Variants in CDC42BPA observed in about 807,000 individuals in gnomAD.
The protein encoded by CDC42BPA is CDC42 binding protein kinase alpha.
In CDC42BPA, 80 loss-of-function variants were observed where a neutral mutation model predicts 223.5. That is an observed-to-expected ratio of 0.36 (90% CI 0.30 to 0.43). CDC42BPA has a LOEUF of 0.43. Ranked by LOEUF, CDC42BPA falls within the 20% of genes least tolerant of loss-of-function variation. The probability of loss-of-function intolerance (pLI) is 1.00; values close to 1 mark genes in which losing one functional copy is unlikely to be tolerated. For synonymous variants in CDC42BPA, 694 were observed against 718.6 expected, an observed-to-expected ratio of 0.97 and a Z score of 0.55; for missense variants, 1,743 against 2,099.9, an observed-to-expected ratio of 0.83 and a Z score of 3.32.
At position 227,101,147 on chromosome 1, in the gene CDC42BPA, G is replaced by T. The variant is rs747048074; in HGVS notation, c.2094C>A (p.Ile698=). 8.8e-6 allele frequency: 14 copies of T among 1,582,562 alleles called. No individual in the cohort carries two copies. The highest frequency in any genetic ancestry group is 1.2e-5 in the Non-Finnish European group (14 of 1,152,534). The stretch of plus-strand genomic sequence containing the variant: ...TTTTAGATAATTCTTCTTCATAAAA[G>T]ATACTTTTCTTTTCCAAATCAGTCT... The part of the protein sequence containing the change: ...KLKTDLEKKS[I]FYEEELSKRE... The change falls in exon 15 of 37, where the codon ATC becomes ATA. Residue 698 remains isoleucine (I), a synonymous_variant. Coordinates refer to ENST00000366766, the MANE Select transcript of CDC42BPA (RefSeq NM_001394014.1).
chr1:227,051,234 C>T (rs1673468123), intron 22 of CDC42BPA, among the ~76,000 whole-genome samples: 1 of 152,158 alleles, frequency 6.6e-6, no homozygotes, highest in Admixed American at 6.6e-5. Context: ...AATCCTGATG[C>T]TGAATGAAGA....
chr1:227,191,605 TTCTCA>T (rs1331240289), intron 5 of CDC42BPA, among the ~76,000 whole-genome samples: 3 of 152,178 alleles, frequency 2.0e-5, no homozygotes, highest in Admixed American at 6.5e-5. Context: ...CAGTTATTCC[TTCTCA>T]AGAATTACAT....
rs751420345 is a variant in CDC42BPA, at chr1:227,028,909, G to A, written c.4180C>T (p.Leu1394Phe). The change falls in exon 30 of 37, where the codon CTC becomes TTC. Residue 1394 changes from leucine to phenylalanine, a missense_variant. Physicochemically the swap from Leu to Phe is conservative, Grantham distance 22. Coordinates refer to ENST00000366766, the MANE Select transcript of CDC42BPA (RefSeq NM_001394014.1). Reference sequence around the variant, plus strand: ...AATCCTGACTGGAATCCCACACAGAGTTGTTCACTGAAGATTGCCATCCAC... The same window carrying A: ...AATCCTGACTGGAATCCCACACAGAATTGTTCACTGAAGATTGCCATCCAC... ...VQWMAIFSEQ[L>F]CVGFQSGFLR... is the part of the protein sequence containing the mutation. 2 of 1,613,882 alleles carry A rather than the reference G, an allele frequency of 1.2e-6. No individual in the cohort carries two copies. Among genetic ancestry groups the A allele is most frequent in the African/African-American group, 1.3e-5 (1 of 74,938 alleles).
At chr1:227,288,423 G>A (rs183115577) in intron 1 of CDC42BPA, among the ~76,000 whole-genome samples, 36 of 152,150 alleles carry the variant, frequency 2.4e-4, no homozygotes, top group Admixed American at 2.1e-3. Context: ...TATCGGCCAG[G>A]TGCAGTGGCT....
intron 35 of CDC42BPA, among the ~76,000 whole-genome samples, chr1:227,001,916 A>C (rs967772765): frequency 3.3e-5 from 5 of 150,802 alleles, no homozygotes; most frequent in Non-Finnish European, 5.9e-5. Flanking sequence ...CAAAAAAAAC[A>C]AAAACAAAAA....
intron 3 of CDC42BPA, among the ~76,000 whole-genome samples, 164 bp from the exon 4 acceptor site, chr1:227,199,816 G>T (rs1338009311): frequency 6.6e-6 from 1 of 151,936 alleles, no homozygotes; most frequent in Admixed American, 6.6e-5. Flanking sequence ...CAGAAACTGG[G>T]CTACTGGAAT....
chr1:227,209,895 T>A (rs575237295), intron 3 of CDC42BPA, among the ~76,000 whole-genome samples: 1 of 150,254 alleles, frequency 6.7e-6, no homozygotes, highest in Non-Finnish European at 1.5e-5. Flanking sequence ...GAGGATTCCC[T>A]CTTTTTCTAT....
At chr1:227,217,493 C>CCTA (rs2150405922) in intron 2 of CDC42BPA, among the ~76,000 whole-genome samples, 1 of 151,828 alleles carries the variant, frequency 6.6e-6, no homozygotes, top group African/African-American at 2.4e-5. Flanking sequence ...CCTGGATTGT[C>CCTA]CTACCTGACC....
intron 1 of CDC42BPA, among the ~76,000 whole-genome samples, chr1:227,274,117 T>G (rs1178836452): frequency 6.6e-6 from 1 of 150,738 alleles, no homozygotes; most frequent in Non-Finnish European, 1.5e-5. Context: ...AATTCCGTAG[T>G]ATATATCTCC....
intron 10 of CDC42BPA, among the ~76,000 whole-genome samples, chr1:227,138,092 CTT>C (rs1192794473): frequency 6.6e-5 from 10 of 152,044 alleles, no homozygotes; most frequent in Non-Finnish European, 1.2e-4. Context: ...ATCTTAACAA[CTT>C]ACGGAAAAAC....
At chr1:227,107,138 T>C (rs917070300) in intron 14 of CDC42BPA, among the ~76,000 whole-genome samples, 4 of 152,198 alleles carry the variant, frequency 2.6e-5, no homozygotes, top group African/African-American at 9.7e-5. Flanking sequence ...TAACTTTAGG[T>C]AGTAGTACTG....
intron 21 of CDC42BPA, among the ~76,000 whole-genome samples, chr1:227,066,624 G>A (rs1677143019): frequency 1.3e-5 from 2 of 152,090 alleles, no homozygotes; most frequent in Middle Eastern, 6.3e-3. Context: ...CACAAAGTTT[G>A]TGCCATAAAA....
chr1:227,219,596 GT>G (rs547235703), intron 2 of CDC42BPA, among the ~76,000 whole-genome samples: 80 of 151,350 alleles, frequency 5.3e-4, no homozygotes, highest in African/African-American at 1.8e-3. Flanking sequence ...TTATTTTCAT[GT>G]TTTTTTTTAA....
chr1:227,097,022 TA>T (rs774996578), intron 15 of CDC42BPA, among the ~76,000 whole-genome samples: 1 of 151,828 alleles, frequency 6.6e-6, no homozygotes, highest in Non-Finnish European at 1.5e-5. Flanking sequence ...CATGATAGGT[TA>T]AAAAAAACAA....
chr1:227,028,564 GTTA>G, intron 30 of CDC42BPA, 90 bp downstream of exon 30: 1 of 843,724 alleles, frequency 1.2e-6, no homozygotes, highest in Non-Finnish European at 1.8e-6. Flanking sequence ...TTAAAAAACT[GTTA>G]TCAACAATGA....
Position 227,029,244 on chromosome 1 carries a change from A to C in CDC42BPA, c.3845T>G (p.Ile1282Ser). The C allele has an allele frequency of 6.4e-7, 1 of 1,550,738 alleles. No individual in the cohort carries two copies. Among genetic ancestry groups the C allele is most frequent in the Non-Finnish European group, 8.7e-7 (1 of 1,143,826 alleles). Residue 1282 changes from isoleucine to serine, a missense_variant, in exon 30 of 37, where the codon ATT (isoleucine) becomes AGT (serine). Coordinates refer to ENST00000366766, the MANE Select transcript of CDC42BPA (RefSeq NM_001394014.1). The stretch of plus-strand genomic sequence containing the variant: ...AATCTTCTTATTGTCACCAACTCTA[A>C]TAATTTCTAAACACAGAAAGAATAA... ...FVVHVTKDEI[I>S]RVGDNKKIHQ...
chr1:227,119,869 TA>T lies in CDC42BPA; in HGVS notation c.1581del (p.Phe527LeufsTer21), dbSNP rs869201760. 6.2e-7 allele frequency: 1 copy of T among 1,604,540 alleles called. No individual in the cohort carries two copies. Among genetic ancestry groups the T allele is most frequent in the Non-Finnish European group, 8.5e-7 (1 of 1,174,618 alleles). On this transcript the variant is annotated frameshift_variant, in exon 12 of 37. Transcript: ENST00000366766. LOFTEE classifies it high-confidence loss of function. ...TGTTTTTCATAAGCCTTGATTTGTC[TA>T]AAAGCATCATCTAGTTCTTGCCTCA... ...NAVRQELDDA[F>X]RQIKAYEKQI... is the part of the protein sequence containing the mutation.
At chr1:227,255,123 T>C (rs1392723619) in intron 1 of CDC42BPA, among the ~76,000 whole-genome samples, 2 of 152,232 alleles carry the variant, frequency 1.3e-5, no homozygotes, top group African/African-American at 4.8e-5. Flanking sequence ...CAATTACATA[T>C]TCTGCTGCCT....
intron 1 of CDC42BPA, among the ~76,000 whole-genome samples, chr1:227,315,955 C>CAAAAAAAAAA (rs71180728): frequency 3.6e-5 from 4 of 110,966 alleles, no homozygotes; most frequent in African/African-American, 1.1e-4. Flanking sequence ...ATTTCAAATC[C>CAAAAAAAAAA]AAAAAAAAAA....
Sources: allele counts gnomAD v4.1 joint callset (sites outside exome capture counted in the v4.1 genomes callset), GRCh38; gene constraint gnomAD v4.1.1; transcripts MANE v1.5; gene names NCBI Gene and HGNC (gene_info 2026-07-23, HGNC 2026-07-21).